The following KCNQ1 variants were observed in gnomAD, a reference collection of about 807,000 sequenced individuals.
KCNQ1 encodes the protein potassium voltage-gated channel subfamily Q member 1, also known as potassium voltage-gated channel subfamily KQT member 1.
A neutral mutation model predicts 72.4 loss-of-function variants in KCNQ1; 49 were observed. The observed-to-expected ratio is 0.68, with a 90% CI of 0.54 to 0.86. The LOEUF is 0.86. Ranked by LOEUF, KCNQ1 falls within the 40% of genes least tolerant of loss-of-function variation. The pLI, the probability that KCNQ1 is intolerant of heterozygous loss-of-function variation, is 0.00. For synonymous variants in KCNQ1, 450 were observed against 412.6 expected (o/e 1.09, Z -1.10); for missense variants, 790 against 945.1 (o/e 0.84, Z 2.15).
intron 11 of KCNQ1, among the ~76,000 whole-genome samples, chr11:2,760,900 G>A (rs1846382759): frequency 6.6e-6 from 1 of 152,212 alleles, no homozygotes; most frequent in South Asian, 2.1e-4. Context: ...CAGCGTCTAG[G>A]GGTGAATGTT....
At chr11:2,548,140 G>A (rs1272857581) in intron 2 of KCNQ1, among the ~76,000 whole-genome samples, 2 of 152,192 alleles carry the variant, frequency 1.3e-5, no homozygotes, top group South Asian at 4.1e-4. Context: ...CCAGGCCCAG[G>A]ATAAGGTGGC....
At chr11:2,649,986 A>C (rs1300396067) in intron 10 of KCNQ1, 2 of 398,158 alleles carry the variant, frequency 5.0e-6, no homozygotes, top group African/African-American at 4.1e-5. Context: ...ATTCTTTTTT[A>C]TTGTTATTTT....
Position 2,750,669 on chromosome 11 carries a change from C to G in KCNQ1, c.1515-18175C>G, listed in dbSNP as rs1437144779. On this transcript the variant is annotated intron_variant, in intron 11 of 15. Transcript: ENST00000155840. The surrounding 1 kb of genome is among the most constrained non-coding windows in gnomAD (Gnocchi z 6.3). Reference sequence around the variant, plus strand: ...TTCTGAGACATTAGGGGTTTTCTCTCCCTTGTTTTAATCAACCAGTTCCCA... The same window carrying G: ...TTCTGAGACATTAGGGGTTTTCTCTGCCTTGTTTTAATCAACCAGTTCCCA... Among the ~76,000 whole-genome samples, 1 of 152,210 alleles carries G rather than the reference C, an allele frequency of 6.6e-6. No homozygotes were observed. Among genetic ancestry groups the G allele is most frequent in the Non-Finnish European group, 1.5e-5 (1 of 68,044 alleles).
intron 6 of KCNQ1, among the ~76,000 whole-genome samples, chr11:2,583,067 C>T (rs1490075388): frequency 1.3e-5 from 2 of 152,150 alleles, no homozygotes; most frequent in East Asian, 1.9e-4. Flanking sequence ...CTCCTGGGGG[C>T]CGGCGCACAG....
In KCNQ1 at chr11:2,549,798, A is replaced by G. The variant is rs1415359814; in HGVS notation, c.478-20830A>G. On this transcript the variant is annotated intron_variant, in intron 2 of 15. Coordinates refer to ENST00000155840, the MANE Select transcript of KCNQ1 (RefSeq NM_000218.3). The surrounding 1 kb of genome is among the most constrained non-coding windows in gnomAD (Gnocchi z 6.2). The stretch of plus-strand genomic sequence containing the variant: ...CCAGTCATGAGTACCCCAGGCCCCT[A>G]TGCGCCTCCTTCCCCATGACTGGCC... Among the ~76,000 whole-genome samples, 2 of 151,980 alleles carry G rather than the reference A, an allele frequency of 1.3e-5. No homozygotes were observed. Among genetic ancestry groups the G allele is most frequent in the Non-Finnish European group, 2.9e-5 (2 of 67,958 alleles).
In KCNQ1 at chr11:2,813,701, C is replaced by T. The variant is rs1286133318; in HGVS notation, c.1795-34066C>T. The stretch of plus-strand genomic sequence containing the variant: ...CTGTCACTCCGGAGGCCAGTGACTG[C>T]GTCATCAGTGCCTTTTGATCTTGTT... On this transcript the variant is annotated intron_variant, in intron 15 of 15. Coordinates refer to ENST00000155840, the MANE Select transcript of KCNQ1 (RefSeq NM_000218.3). This position sits in a 1 kb window ranked among gnomAD's most constrained non-coding sequence, Gnocchi z 4.4. 6.6e-6 allele frequency among the ~76,000 whole-genome samples: 1 copy of T among 152,092 alleles called. No individual in the cohort carries two copies. Among genetic ancestry groups the T allele is most frequent in the African/African-American group, 2.4e-5 (1 of 41,420 alleles).
rs1471494881 is a variant in KCNQ1, at chr11:2,652,480, C to T, written c.1394-9481C>T. ...CCAAAGACCTCCAGAAACTTTCCTC[C>T]CCACCTCTCCAGAGGTTTCTGGGGA... On this transcript the variant is annotated intron_variant, in intron 10 of 15. Coordinates refer to ENST00000155840, the MANE Select transcript of KCNQ1 (RefSeq NM_000218.3). The surrounding 1 kb of genome is among the most constrained non-coding windows in gnomAD (Gnocchi z 5.9). 2.5e-6 allele frequency: 1 copy of T among 398,448 alleles called. No homozygotes were observed. Among genetic ancestry groups the T allele is most frequent in the Non-Finnish European group, 4.4e-6 (1 of 226,080 alleles). The allele number at this position is 398,448 out of a possible 1,614,324, so 24.7% of individuals were successfully genotyped here. A position where few individuals can be genotyped will look rare whatever the true frequency, so the allele number is the denominator to read the frequency against.
Position 2,673,937 on chromosome 11 carries a change from T to C in KCNQ1, c.1514+11856T>C, listed in dbSNP as rs1272336543. On this transcript the variant is annotated intron_variant, in intron 11 of 15. Transcript: ENST00000155840. The surrounding 1 kb of genome is among the most constrained non-coding windows in gnomAD (Gnocchi z 4.5). The stretch of plus-strand genomic sequence containing the variant: ...GTGCTAGACAAGGGAGTGTGTCTCT[T>C]TCCCCATGAGTGACAGCAGCCACAA... 4.9e-6 allele frequency: 1 copy of C among 202,060 alleles called. No homozygotes were observed. Among genetic ancestry groups the C allele is most frequent in the African/African-American group, 2.5e-5 (1 of 39,460 alleles). 12.5% of individuals were successfully genotyped at this position (202,060 alleles called of 1,614,324 possible). A position where few individuals can be genotyped will look rare whatever the true frequency, so the allele number is the denominator to read the frequency against.
chr11:2,682,300 C>T lies in KCNQ1; in HGVS notation c.1514+20219C>T. 1 of 398,622 alleles carries T rather than the reference C, an allele frequency of 2.5e-6. No individual in the cohort carries two copies. Among genetic ancestry groups the T allele is most frequent in the Non-Finnish European group, 4.4e-6 (1 of 226,082 alleles). 24.7% of individuals were successfully genotyped at this position (398,622 alleles called of 1,614,324 possible). ...TGGGCTGTAAAAAATCACATACCTC[C>T]CCTCCCATTCTTAATGTGTAACTGT... On this transcript the variant is annotated intron_variant, in intron 11 of 15. Transcript: ENST00000155840. The surrounding 1 kb of genome is among the most constrained non-coding windows in gnomAD (Gnocchi z 5.8).
At chr11:2,529,101 G>T (rs1329992069) in intron 2 of KCNQ1, among the ~76,000 whole-genome samples, 1 of 152,180 alleles carries the variant, frequency 6.6e-6, no homozygotes. Context: ...AGTTCTCCCA[G>T]CACTATGTTT....
In KCNQ1 at chr11:2,668,766, T is replaced by C. The variant is rs181334533; in HGVS notation, c.1514+6685T>C. 1.4e-4 allele frequency: 54 copies of C among 398,604 alleles called. No individual in the cohort carries two copies. The highest frequency in any genetic ancestry group is 2.1e-4 in the Non-Finnish European group (48 of 226,052). The allele number at this position is 398,604 out of a possible 1,614,324, so 24.7% of individuals were successfully genotyped here. A position where few individuals can be genotyped will look rare whatever the true frequency, so the allele number is the denominator to read the frequency against. ...TCTGCAGGCTGCCTTCTTCCTCTCTTGATGGTGTCTTTTGATGAACAGAAG... is the reference window on the plus strand; with the variant it reads ...TCTGCAGGCTGCCTTCTTCCTCTCTCGATGGTGTCTTTTGATGAACAGAAG... On this transcript the variant is annotated intron_variant, in intron 11 of 15. Transcript: ENST00000155840. The surrounding 1 kb of genome is among the most constrained non-coding windows in gnomAD (Gnocchi z 4.3).
chr11:2,792,013 CG>C (rs1414692959), intron 15 of KCNQ1, among the ~76,000 whole-genome samples: 2 of 152,198 alleles, frequency 1.3e-5, no homozygotes, highest in African/African-American at 4.8e-5. Context: ...AACACGGGGC[CG>C]AGGCGCGCTG....
chr11:2,804,191 T>C (rs1415794489), intron 15 of KCNQ1, among the ~76,000 whole-genome samples: 3 of 152,088 alleles, frequency 2.0e-5, no homozygotes, highest in Non-Finnish European at 2.9e-5. Flanking sequence ...AGTTCACCCA[T>C]GCTGTGCACC....
Position 2,690,849 on chromosome 11 carries a change from C to T in KCNQ1, c.1514+28768C>T. ...GCTCTGGCACTCCCACTGTTAGGAA[C>T]AGGTACCTTTAGGGACACAGGAGTG... On this transcript the variant is annotated intron_variant, in intron 11 of 15. Coordinates refer to ENST00000155840, the MANE Select transcript of KCNQ1 (RefSeq NM_000218.3). The surrounding 1 kb of genome is among the most constrained non-coding windows in gnomAD (Gnocchi z 5.1). 1 of 398,598 alleles carries T rather than the reference C, an allele frequency of 2.5e-6. No homozygotes were observed. The allele number at this position is 398,598 out of a possible 1,614,324, so 24.7% of individuals were successfully genotyped here.
intron 1 of KCNQ1, among the ~76,000 whole-genome samples, chr11:2,472,028 T>G (rs111210512): frequency 3.0e-4 from 44 of 147,684 alleles, no homozygotes; most frequent in African/African-American, 9.3e-4. Context: ...GTATGTATGG[T>G]TGTGTGTGTA....
chr11:2,619,985 C>T (rs1490844230), intron 10 of KCNQ1: 4 of 397,938 alleles, frequency 1.0e-5, no homozygotes, highest in Non-Finnish European at 1.8e-5. Flanking sequence ...GAGCATAGTA[C>T]CCAATAGGTA....
intron 10 of KCNQ1, chr11:2,641,141 A>G: frequency 2.5e-6 from 1 of 398,514 alleles, no homozygotes; most frequent in East Asian, 3.6e-5. Context: ...GGATGCAGGT[A>G]CATTTTTAGT....
In KCNQ1 at chr11:2,612,330, A is replaced by G. The variant is rs966108151; in HGVS notation, c.1393+23476A>G. 2.5e-5 allele frequency: 10 copies of G among 398,566 alleles called. No individual in the cohort carries two copies. Among genetic ancestry groups the G allele is most frequent in the East Asian group, 1.4e-4 (4 of 28,088 alleles). The allele number at this position is 398,566 out of a possible 1,614,324, so 24.7% of individuals were successfully genotyped here. ...GAGAATCTAACTAAAGCCTCCCCCA[A>G]CTGGCTGTGGAAAAATTGTCTTCCA... On this transcript the variant is annotated intron_variant, in intron 10 of 15. Coordinates refer to ENST00000155840, the MANE Select transcript of KCNQ1 (RefSeq NM_000218.3). This position sits in a 1 kb window ranked among gnomAD's most constrained non-coding sequence, Gnocchi z 5.5.
chr11:2,643,822 C>A (rs1352300363), intron 10 of KCNQ1: 1 of 398,402 alleles, frequency 2.5e-6, no homozygotes, highest in African/African-American at 2.1e-5. Context: ...AAGGGAAATA[C>A]TTTATTTCTC....
Sources: allele counts gnomAD v4.1 joint callset (sites outside exome capture counted in the v4.1 genomes callset), GRCh38; gene constraint gnomAD v4.1.1; non-coding constraint Gnocchi (gnomAD v3.1); transcripts MANE v1.5; gene names NCBI Gene and HGNC (gene_info 2026-07-23, HGNC 2026-07-21).